The following SEC14L3 variants were observed in gnomAD, a reference collection of about 807,000 sequenced individuals.
The protein encoded by SEC14L3 is SEC14-like protein 3.
A neutral mutation model predicts 57.4 loss-of-function variants in SEC14L3; 56 were observed. The observed-to-expected ratio is 0.97, with a 90% CI of 0.79 to 1.22. The LOEUF is 1.22. Among genes scored for constraint, SEC14L3 ranks in the 50% most tolerant of loss-of-function variants. The pLI is 0.00. For synonymous variants in SEC14L3, 173 were observed against 194.4 expected, an observed-to-expected ratio of 0.89 and a Z score of 0.92; for missense variants, 485 against 511.7, an observed-to-expected ratio of 0.95 and a Z score of 0.50.
Position 30,459,688 on chromosome 22 carries a change from G to C in SEC14L3, c.*333C>G, listed in dbSNP as rs999612573. ...CAACCCAAGTTGCTCACAGCCATAC[G>C]GAAGGAATTCAAGCATACACACCTG... On this transcript the variant is annotated 3_prime_UTR_variant, in exon 12 of 12. Transcript: ENST00000215812. 1 of 1,026,472 alleles carries C rather than the reference G, an allele frequency of 9.7e-7. No individual in the cohort carries two copies. The highest frequency in any genetic ancestry group is 1.7e-5 in the African/African-American group (1 of 59,500). The allele number at this position is 1,026,472 out of a possible 1,614,324, so 63.6% of individuals were successfully genotyped here. A position where few individuals can be genotyped will look rare whatever the true frequency, so the allele number is the denominator to read the frequency against.
At chr22:30,456,316 A>AC (rs2146092445), downstream of SEC14L3, among the ~76,000 whole-genome samples, 1 of 151,064 alleles carries the variant, frequency 6.6e-6, no homozygotes, top group Non-Finnish European at 1.5e-5. Flanking sequence ...AAAAAAAAAA[A>AC]AACAAACACC....
intron 12 of SEC14L3, among the ~76,000 whole-genome samples, chr22:30,452,246 C>CTTTTTTTTT (rs750537241): frequency 6.7e-5 from 6 of 90,024 alleles, no homozygotes; most frequent in African/African-American, 1.4e-4. Flanking sequence ...TTCTTTCTTT[C>CTTTTTTTTT]TTTTTTTTTT....
Position 30,467,053 on chromosome 22 carries a change from C to T in SEC14L3, c.448G>A (p.Val150Met), listed in dbSNP as rs115617635. Residue 150 changes from valine to methionine, a missense_variant, in exon 6 of 12, where the codon GTG becomes ATG. Physicochemically the swap from Val to Met is conservative, Grantham distance 21. Coordinates refer to ENST00000215812, the MANE Select transcript of SEC14L3 (RefSeq NM_174975.5). ...ERLGKKIETI[V>M]MIFDCEGLGL... Reference sequence around the variant, plus strand: ...AGGCCCTCACAGTCAAATATCATCACGATGGTCTCAATCTTCTTCCCTAGC... The same window carrying T: ...AGGCCCTCACAGTCAAATATCATCATGATGGTCTCAATCTTCTTCCCTAGC... 175 of 1,614,026 alleles carry T rather than the reference C, an allele frequency of 1.1e-4. No individual in the cohort carries two copies. In the East Asian group the frequency reaches 2.2e-3, roughly 20 times the overall value.
chr22:30,470,086 G>T lies in SEC14L3; in HGVS notation c.175-8C>A. 1.9e-6 allele frequency: 3 copies of T among 1,604,132 alleles called. No homozygotes were observed. The highest frequency in any genetic ancestry group is 1.7e-6 in the Non-Finnish European group (2 of 1,174,416). ...CTTCCGGAACTCCATGTACTGAAAG[G>T]GAAATGAGTGGTAAGATCCCACTGG... On this transcript the variant is annotated splice_region_variant and splice_polypyrimidine_tract_variant and intron_variant, in intron 3 of 11. Coordinates refer to ENST00000215812, the MANE Select transcript of SEC14L3 (RefSeq NM_174975.5).
chr22:30,458,361 A>T (rs1935155533), downstream of SEC14L3, among the ~76,000 whole-genome samples: 1 of 151,892 alleles, frequency 6.6e-6, no homozygotes, highest in South Asian at 2.1e-4. Context: ...GCCCTGCCCC[A>T]CTCTGCTGTG....
At chr22:30,454,460 C>A (rs975615444), downstream of SEC14L3, among the ~76,000 whole-genome samples, 1 of 103,852 alleles carries the variant, frequency 9.6e-6, no homozygotes, top group African/African-American at 4.0e-5. Flanking sequence ...AAAAATAACC[C>A]TTGTTTCTCT....
chr22:30,454,830 TATATA>T (rs1569225266), downstream of SEC14L3, among the ~76,000 whole-genome samples: 10 of 34,004 alleles, frequency 2.9e-4, no homozygotes, highest in African/African-American at 2.2e-3. Flanking sequence ...TATAATATAA[TATATA>T]ATAATATATA....
In SEC14L3 at chr22:30,461,447, C is replaced by G; in HGVS notation, c.944G>C (p.Gly315Ala). Residue 315 changes from glycine (G) to alanine (A), a missense_variant, in exon 11 of 12, where the codon GGC becomes GCC. Physicochemically the swap from Gly to Ala is moderately conservative, Grantham distance 60 (BLOSUM62 0). Coordinates refer to ENST00000215812, the MANE Select transcript of SEC14L3 (RefSeq NM_174975.5). ...WQFSSDGADIGFGVFLKTKMG... is the reference protein window; with the variant it reads ...WQFSSDGADIAFGVFLKTKMG... ...CTTGGTCTTCAGGAAAACTCCGAAG[C>G]CGATGTCCGCACCATCAGATGAGAA... 6.2e-7 allele frequency: 1 copy of G among 1,613,776 alleles called. No homozygotes were observed. The highest frequency in any genetic ancestry group is 8.5e-7 in the Non-Finnish European group (1 of 1,179,824).
Position 30,471,784 on chromosome 22 carries a change from CAAAGA to C in SEC14L3, c.54+116_54+120del. On this transcript the variant is annotated intron_variant, in intron 1 of 11. Transcript: ENST00000215812. ...GGCTTGACCCTTTGGGAGGTAACAC[CAAAGA>C]GACAATGTCAAGGACATGCTGAATC... 5 of 1,436,192 alleles carry C rather than the reference CAAAGA, an allele frequency of 3.5e-6. No homozygotes were observed. The Admixed American group carries it at 8.5e-5, about 24-fold the overall frequency. The allele number at this position is 1,436,192 out of a possible 1,614,324, so 89.0% of individuals were successfully genotyped here.
At chr22:30,467,574 G>A (rs753486901) in intron 5 of SEC14L3, among the ~76,000 whole-genome samples, 16 of 152,184 alleles carry the variant, frequency 1.1e-4, no homozygotes, top group Non-Finnish European at 2.2e-4. Context: ...TATGATAAGT[G>A]CTGCAATAGG....
In SEC14L3 at chr22:30,459,736, G is replaced by A; in HGVS notation, c.*285C>T. 8.9e-7 allele frequency: 1 copy of A among 1,120,626 alleles called. No individual in the cohort carries two copies. The highest frequency in any genetic ancestry group is 1.1e-6 in the Non-Finnish European group (1 of 910,646). 69.4% of individuals were successfully genotyped at this position (1,120,626 alleles called of 1,614,324 possible). A position where few individuals can be genotyped will look rare whatever the true frequency, so the allele number is the denominator to read the frequency against. ...CTGCCTTAGGGTAGGTGAGGACAAA[G>A]GCTAGGGGATTCATTTTGCTATTTA... On this transcript the variant is annotated 3_prime_UTR_variant, in exon 12 of 12. Transcript: ENST00000215812.
downstream of SEC14L3, among the ~76,000 whole-genome samples, chr22:30,455,742 A>T (rs529499309): frequency 6.6e-6 from 1 of 152,316 alleles, no homozygotes; most frequent in African/African-American, 2.4e-5. Context: ...TGAGGTCTAC[A>T]CGGTTGGGAG....
intron 12 of SEC14L3, among the ~76,000 whole-genome samples, chr22:30,453,153 C>T (rs1398641268): frequency 1.3e-5 from 2 of 152,148 alleles, no homozygotes; most frequent in African/African-American, 2.4e-5. Flanking sequence ...CCTAGATCAT[C>T]GTTAACTAAC....
At chr22:30,471,469 A>T (rs1195142537) in intron 1 of SEC14L3, among the ~76,000 whole-genome samples, 1 of 152,160 alleles carries the variant, frequency 6.6e-6, no homozygotes, top group African/African-American at 2.4e-5. Context: ...TCTTTGAAAG[A>T]CAACACTTTC....
chr22:30,470,736 G>A (rs901930079), intron 1 of SEC14L3, 154 bp from the exon 2 acceptor site: 1 of 964,230 alleles, frequency 1.0e-6, no homozygotes, highest in East Asian at 1.1e-4. Flanking sequence ...AAGGGCAGAT[G>A]GATCACTGGA....
intron 8 of SEC14L3, among the ~76,000 whole-genome samples, chr22:30,464,536 T>A (rs1935356475): frequency 6.6e-6 from 1 of 152,124 alleles, no homozygotes; most frequent in South Asian, 2.1e-4. Context: ...GCTCAAGTGA[T>A]CCTCCCACCT....
rs756421338 is a variant in SEC14L3 at position 30,461,603 on chromosome 22, G to A, written c.863C>T (p.Ser288Leu). Reference protein sequence around the residue: ...YEHSVQINRGSSHQVEYEILF... With the variant: ...YEHSVQINRGLSHQVEYEILF... ...GATCTCGTATTCCACTTGGTGTGAT[G>A]AGCCGCGGTTGATCTGCACCGAGTG... is the stretch of plus-strand genomic sequence containing the variant. Residue 288 changes from serine (S) to leucine (L), a missense_variant, in exon 10 of 12, where the codon TCA (serine) becomes TTA (leucine). By Grantham distance (145) the Ser-to-Leu change is moderately radical. Transcript: ENST00000215812. The A allele has an allele frequency of 6.2e-7, 1 of 1,614,110 alleles. No individual in the cohort carries two copies. Among genetic ancestry groups the A allele is most frequent in the South Asian group, 1.1e-5 (1 of 91,074 alleles).
chr22:30,452,003 A>AAG (rs1556005068), intron 12 of SEC14L3, among the ~76,000 whole-genome samples: 2 of 139,110 alleles, frequency 1.4e-5, no homozygotes, highest in East Asian at 2.0e-4. Flanking sequence ...AAAAAAAAAA[A>AAG]AAAAAAGAAA....
At chr22:30,469,317 A>AAG (rs1935526424) in intron 4 of SEC14L3, among the ~76,000 whole-genome samples, 1 of 82,260 alleles carries the variant, frequency 1.2e-5, no homozygotes, top group Non-Finnish European at 2.2e-5. Context: ...TCCAAAAAAA[A>AAG]AAAAAAAAAG....
Sources: gnomAD v4.1 joint callset for allele counts (sites outside exome capture counted in the v4.1 genomes callset) on GRCh38, gnomAD v4.1.1 for gene constraint, MANE v1.5 for transcripts, NCBI Gene and HGNC (gene_info 2026-07-23, HGNC 2026-07-21) for gene names.